The following PCBP3 variants were observed in gnomAD, a reference collection of about 807,000 sequenced individuals.
PCBP3 encodes the protein poly(rC)-binding protein 3.
In PCBP3, 25 loss-of-function variants were observed where a neutral mutation model predicts 52.7. The observed-to-expected ratio is 0.47, with a 90% CI of 0.35 to 0.66. The LOEUF (loss-of-function observed/expected upper bound fraction) is 0.66. Ranked by LOEUF, PCBP3 falls within the 30% of genes least tolerant of loss-of-function variation. The pLI is 0.01. For synonymous variants in PCBP3, 162 were observed against 183.0 expected (o/e 0.89, Z 0.93); for missense variants, 391 against 490.3 (o/e 0.80, Z 1.91).
rs917540807 is a variant in PCBP3 at position 45,736,971 on chromosome 21, C to T, written c.-162+1542C>T. Among the ~76,000 whole-genome samples the T allele has an allele frequency of 3.9e-5, 6 of 151,964 alleles. No individual in the cohort carries two copies. The highest frequency in any genetic ancestry group is 1.2e-4 in the African/African-American group (5 of 41,348). ...AGCCCTGAGACACGGGGCATCTGCG[C>T]GAGTCTTGCTGGAGGTGCACGTGTG... On this transcript the variant is annotated intron_variant, in intron 3 of 17. Coordinates refer to ENST00000681687, the MANE Select transcript of PCBP3 (RefSeq NM_001384156.1). The surrounding 1 kb of genome is among the most constrained non-coding windows in gnomAD (Gnocchi z 4.6).
intron 1 of PCBP3, among the ~76,000 whole-genome samples, chr21:45,648,420 T>C (rs560859923): frequency 6.6e-6 from 1 of 152,344 alleles, no homozygotes; most frequent in South Asian, 2.1e-4. Flanking sequence ...GCATCTGATA[T>C]TGTCTTATTT....
Position 45,680,520 on chromosome 21 carries a change from T to A in PCBP3, c.-200+11568T>A, listed in dbSNP as rs1284852527. On this transcript the variant is annotated intron_variant, in intron 2 of 17. Transcript: ENST00000681687. ...AGTATCCATGTGTTCATTGATAATA[T>A]ACAAAAATAAAATGAATTTTTGTGT... Among the ~76,000 whole-genome samples, 6 of 152,236 alleles carry A rather than the reference T, an allele frequency of 3.9e-5. No individual in the cohort carries two copies. The South Asian group carries it at 1.0e-3, about 26-fold the overall frequency.
chr21:45,902,860 G>A (rs1462004787), intron 9 of PCBP3, among the ~76,000 whole-genome samples: 1 of 152,250 alleles, frequency 6.6e-6, no homozygotes, highest in Non-Finnish European at 1.5e-5. Flanking sequence ...CTTCCACCCA[G>A]GGCAGGCGGT....
At position 45,837,367 on chromosome 21, in the gene PCBP3, A is replaced by G. The variant is rs1050461386; in HGVS notation, c.-125-12594A>G. ...TCCAGCGGAAATGATGTTATGTGAC[A>G]TCTGTGTGCAAGCCACAGGCAGCAG... On this transcript the variant is annotated intron_variant, in intron 4 of 17. Transcript: ENST00000681687. The surrounding 1 kb of genome is among the most constrained non-coding windows in gnomAD (Gnocchi z 4.1). 1.2e-4 allele frequency among the ~76,000 whole-genome samples: 18 copies of G among 152,228 alleles called. No homozygotes were observed. The highest frequency in any genetic ancestry group is 1.2e-4 in the Non-Finnish European group (8 of 68,036).
At chr21:45,923,396 C>T (rs889695535) in intron 13 of PCBP3, among the ~76,000 whole-genome samples, 1 of 152,178 alleles carries the variant, frequency 6.6e-6, no homozygotes, top group African/African-American at 2.4e-5. Context: ...GCTACTGCAG[C>T]CACTCCTTTC....
chr21:45,678,285 G>A (rs916782896), intron 2 of PCBP3, among the ~76,000 whole-genome samples: 7 of 149,458 alleles, frequency 4.7e-5, no homozygotes, highest in Admixed American at 1.3e-4. Flanking sequence ...TAGCCTGGGC[G>A]ACAGAGCGAG....
At position 45,928,245 on chromosome 21, in the gene PCBP3, G is replaced by A. The variant is rs1312236090; in HGVS notation, c.718-1672G>A. 6.6e-6 allele frequency among the ~76,000 whole-genome samples: 1 copy of A among 152,168 alleles called. No homozygotes were observed. Among genetic ancestry groups the A allele is most frequent in the Non-Finnish European group, 1.5e-5 (1 of 68,020 alleles). On this transcript the variant is annotated intron_variant, in intron 13 of 17. Transcript: ENST00000681687. The surrounding 1 kb of genome is among the most constrained non-coding windows in gnomAD (Gnocchi z 4.1). ...CCCCACAAGCTCTCCTGGCACCCTC[G>A]TCAGGGGCTTCCACACACATCCCCT... is the stretch of plus-strand genomic sequence containing the variant.
At chr21:45,662,313 G>A (rs1326600004) in intron 1 of PCBP3, among the ~76,000 whole-genome samples, 2 of 117,612 alleles carry the variant, frequency 1.7e-5, no homozygotes, top group Admixed American at 1.0e-4. Flanking sequence ...TAGAGATGGG[G>A]TTTCACCATA....
intron 3 of PCBP3, chr21:45,748,027 G>A (rs1181986705): frequency 6.6e-6 from 1 of 152,410 alleles, no homozygotes; most frequent in African/African-American, 2.4e-5. Flanking sequence ...CTGTCTGGCG[G>A]CCCTGCGTGC....
intron 2 of PCBP3, among the ~76,000 whole-genome samples, chr21:45,701,725 T>C (rs2083139589): frequency 6.6e-6 from 1 of 152,144 alleles, no homozygotes; most frequent in Admixed American, 6.5e-5. Context: ...CACACCAGCC[T>C]AATTTTTTAT....
rs571504161 is a variant in PCBP3, at chr21:45,656,649, A to G, written c.-278-12225A>G. ...CAGAACTTAAAGTATAATAAATTAA[A>G]AAAAATAGCTGAAAACAAAAACAAA... On this transcript the variant is annotated intron_variant, in intron 1 of 17. Coordinates refer to ENST00000681687, the MANE Select transcript of PCBP3 (RefSeq NM_001384156.1). The surrounding 1 kb of genome is among the most constrained non-coding windows in gnomAD (Gnocchi z 4.3). Among the ~76,000 whole-genome samples the G allele has an allele frequency of 1.2e-4, 18 of 152,220 alleles. No homozygotes were observed. The highest frequency in any genetic ancestry group is 2.5e-4 in the Non-Finnish European group (17 of 68,042).
intron 9 of PCBP3, among the ~76,000 whole-genome samples, chr21:45,906,422 A>G (rs1158618379): frequency 6.6e-6 from 1 of 150,518 alleles, no homozygotes; most frequent in African/African-American, 2.4e-5. Context: ...CGGGCCGGGG[A>G]GGCCTTTGGA....
chr21:45,710,899 A>AT (rs942105296), intron 2 of PCBP3, among the ~76,000 whole-genome samples: 10 of 152,138 alleles, frequency 6.6e-5, no homozygotes, highest in Admixed American at 2.0e-4. Flanking sequence ...TCCATGTTGC[A>AT]TTTTTTTTCT....
Position 45,802,786 on chromosome 21 carries a change from G to A in PCBP3, c.-125-47175G>A, listed in dbSNP as rs889520900. On this transcript the variant is annotated intron_variant, in intron 4 of 17. Transcript: ENST00000681687. The surrounding 1 kb of genome is among the most constrained non-coding windows in gnomAD (Gnocchi z 5.1). ...GCTGGTGCTGGGAGGAGGCAGGGAT[G>A]GGAAGGGTCCCCGAGGGCCCTGAGC... Among the ~76,000 whole-genome samples the A allele has an allele frequency of 6.6e-6, 1 of 152,298 alleles. No homozygotes were observed. The highest frequency in any genetic ancestry group is 6.5e-5 in the Admixed American group (1 of 15,304).
intron 2 of PCBP3, among the ~76,000 whole-genome samples, chr21:45,707,836 A>G (rs966759373): frequency 1.6e-4 from 25 of 152,274 alleles, no homozygotes; most frequent in African/African-American, 6.0e-4. Flanking sequence ...CGTGCAGACA[A>G]TGGAAGTGTC....
chr21:45,752,167 A>G (rs1376265782), intron 3 of PCBP3, among the ~76,000 whole-genome samples: 1 of 152,066 alleles, frequency 6.6e-6, no homozygotes, highest in Non-Finnish European at 1.5e-5. Context: ...TTAATTCACA[A>G]TTAGAAAGCC....
chr21:45,747,308 CGTG>C (rs2086990358), intron 3 of PCBP3, among the ~76,000 whole-genome samples: 1 of 152,202 alleles, frequency 6.6e-6, no homozygotes, highest in Non-Finnish European at 1.5e-5. Context: ...TCCCACGACA[CGTG>C]GGGATTATGG....
At position 45,800,720 on chromosome 21, in the gene PCBP3, G is replaced by C. The variant is rs1421343482; in HGVS notation, c.-126+45268G>C. On this transcript the variant is annotated intron_variant, in intron 4 of 17. Transcript: ENST00000681687. This position sits in a 1 kb window ranked among gnomAD's most constrained non-coding sequence, Gnocchi z 5.3. ...GAGGTGGCCCTCCCACCTGGGCCAT[G>C]TGCCTCACTATGCCTAGGCCACAGC... Among the ~76,000 whole-genome samples the C allele has an allele frequency of 6.6e-6, 1 of 152,246 alleles. No homozygotes were observed. The highest frequency in any genetic ancestry group is 2.4e-5 in the African/African-American group (1 of 41,474).
At chr21:45,694,330 G>A (rs1169137299) in intron 2 of PCBP3, among the ~76,000 whole-genome samples, 3 of 152,126 alleles carry the variant, frequency 2.0e-5, no homozygotes, top group South Asian at 4.1e-4. Context: ...TCTAAAAGAA[G>A]CATATTTTAA....
Sources: allele counts gnomAD v4.1 joint callset (sites outside exome capture counted in the v4.1 genomes callset), GRCh38; gene constraint gnomAD v4.1.1; non-coding constraint Gnocchi (gnomAD v3.1); transcripts MANE v1.5; gene names NCBI Gene and HGNC (gene_info 2026-07-23, HGNC 2026-07-21).